The following NUP37 variants were observed in gnomAD, a reference collection of about 807,000 sequenced individuals.
NUP37 encodes the protein nucleoporin Nup37.
In NUP37, 33 loss-of-function variants were observed where a neutral mutation model predicts 45.4. The observed-to-expected ratio is 0.73, with a 90% CI of 0.55 to 0.97. The LOEUF is 0.97. Among genes scored for constraint, NUP37 ranks in the 50% least tolerant of loss-of-function variants. The probability of loss-of-function intolerance (pLI) is 0.00; values close to 1 mark genes in which losing one functional copy is unlikely to be tolerated. For missense variants in NUP37, 365 were observed against 389.7 expected (o/e 0.94, Z 0.53); for synonymous variants, 127 against 130.7 (o/e 0.97, Z 0.19).
At chr12:102,076,075 G>C (rs998200121) in intron 8 of NUP37, among the ~76,000 whole-genome samples, 1 of 152,058 alleles carries the variant, frequency 6.6e-6, no homozygotes, top group Non-Finnish European at 1.5e-5. Flanking sequence ...ACCTCCTCTA[G>C]ACTTATAAGT....
At chr12:102,106,198 T>C (rs1880149623) in intron 3 of NUP37, among the ~76,000 whole-genome samples, 2 of 152,184 alleles carry the variant, frequency 1.3e-5, no homozygotes, top group African/African-American at 4.8e-5. Flanking sequence ...CACTGATAAC[T>C]TGATTTTGAA....
At chr12:102,075,468 C>CAT (rs1441063597) in intron 8 of NUP37, among the ~76,000 whole-genome samples, 1 of 152,114 alleles carries the variant, frequency 6.6e-6, no homozygotes, top group Non-Finnish European at 1.5e-5. Flanking sequence ...AGGTATGAGC[C>CAT]ATAGCACCTA....
intron 3 of NUP37, among the ~76,000 whole-genome samples, chr12:102,106,027 T>C (rs1428412347): frequency 6.6e-6 from 1 of 151,868 alleles, no homozygotes; most frequent in Non-Finnish European, 1.5e-5. Flanking sequence ...AATTTAACAA[T>C]GAATGAACAC....
chr12:102,106,975 C>T (rs568600394), intron 3 of NUP37, among the ~76,000 whole-genome samples: 154 of 152,284 alleles, frequency 1.0e-3, no homozygotes, highest in African/African-American at 3.5e-3. Flanking sequence ...CCAGACCCCT[C>T]GTTTGTCATG....
intron 3 of NUP37, among the ~76,000 whole-genome samples, chr12:102,104,850 A>G (rs1880081399): frequency 6.6e-6 from 1 of 152,224 alleles, no homozygotes; most frequent in African/African-American, 2.4e-5. Flanking sequence ...ATTACTGTAT[A>G]GCATTGCGAT....
At chr12:102,093,149 G>A (rs1010847038) in intron 5 of NUP37, among the ~76,000 whole-genome samples, 1 of 151,994 alleles carries the variant, frequency 6.6e-6, no homozygotes, top group African/African-American at 2.4e-5. Flanking sequence ...AATAAAGACT[G>A]CATGTACTTT....
At chr12:102,079,438 A>T (rs76606581) in intron 6 of NUP37, among the ~76,000 whole-genome samples, 1,900 of 152,292 alleles carry the variant, frequency 0.012, 45 homozygotes, top group African/African-American at 0.044. Flanking sequence ...GTTGCTGCAA[A>T]CACTCAACTA....
chr12:102,099,087 TATAAC>T lies in NUP37; in HGVS notation c.449+14_449+18del. On this transcript the variant is annotated intron_variant, in intron 5 of 9. Coordinates refer to ENST00000552283, the MANE Select transcript of NUP37 (RefSeq NM_024057.4). ...TAAAATGGCAATTTAAAAATGTGGT[TATAAC>T]ATAAGCAACATACCTGCAGGTGTGA... is the stretch of plus-strand genomic sequence containing the variant. The T allele has an allele frequency of 6.5e-7, 1 of 1,533,044 alleles. No homozygotes were observed. Among genetic ancestry groups the T allele is most frequent in the Non-Finnish European group, 9.0e-7 (1 of 1,107,862 alleles). The allele number at this position is 1,533,044 out of a possible 1,614,324, so 95.0% of individuals were successfully genotyped here. A position where few individuals can be genotyped will look rare whatever the true frequency, so the allele number is the denominator to read the frequency against.
chr12:102,101,098 A>ACAAAAT lies in NUP37; in HGVS notation c.282_287dup (p.Phe95_Cys96insTer), dbSNP rs1879959520. 3 of 1,560,226 alleles carry ACAAAAT rather than the reference A, an allele frequency of 1.9e-6. No homozygotes were observed. Among genetic ancestry groups the ACAAAAT allele is most frequent in the Non-Finnish European group, 2.6e-6 (3 of 1,151,876 alleles). On this transcript the variant is annotated stop_gained, in exon 4 of 10. Coordinates refer to ENST00000552283, the MANE Select transcript of NUP37 (RefSeq NM_024057.4). LOFTEE classifies it high-confidence loss of function. The stretch of plus-strand genomic sequence containing the variant: ...TAATTTTCATATCAGCAGCTGAAGT[A>ACAAAAT]CAAAATCTGGAAGCAAAAAAACAAA...
At chr12:102,101,582 T>C (rs1879973247) in intron 3 of NUP37, among the ~76,000 whole-genome samples, 1 of 152,166 alleles carries the variant, frequency 6.6e-6, no homozygotes, top group Non-Finnish European at 1.5e-5. Context: ...TGAAGTAAGA[T>C]ACTATTTTTA....
chr12:102,113,071 G>T (rs911969856), intron 2 of NUP37, among the ~76,000 whole-genome samples: 1 of 152,176 alleles, frequency 6.6e-6, no homozygotes, highest in Non-Finnish European at 1.5e-5. Flanking sequence ...GCCATCTGTC[G>T]CTGGCAATGG....
intron 5 of NUP37, among the ~76,000 whole-genome samples, chr12:102,096,527 T>A (rs1200369705): frequency 6.6e-6 from 1 of 152,188 alleles, no homozygotes; most frequent in Non-Finnish European, 1.5e-5. Flanking sequence ...TTCTTGGAAA[T>A]GTCAAAGTGA....
chr12:102,114,682 C>T (rs1880413947), intron 2 of NUP37, among the ~76,000 whole-genome samples: 1 of 152,124 alleles, frequency 6.6e-6, no homozygotes, highest in African/African-American at 2.4e-5. Flanking sequence ...ATACAAATTT[C>T]AGTTAGTCAA....
At position 102,074,443 on chromosome 12, in the gene NUP37, C is replaced by T. The variant is rs563418912; in HGVS notation, c.892G>A (p.Val298Ile). 4.3e-5 allele frequency: 69 copies of T among 1,608,584 alleles called. No homozygotes were observed. The highest frequency in any genetic ancestry group is 4.2e-4 in the South Asian group (38 of 90,446). The stretch of plus-strand genomic sequence containing the variant: ...CGATGCCAGGACAGTCCAGATCCAA[C>T]GGCTACAGAACCCATGAGGATGGGC... ...PQPILMGSVA[V>I]GSGLSWHRTL... Residue 298 changes from valine (V) to isoleucine (I), a missense_variant, in exon 10 of 10, where the codon GTT (valine) becomes ATT (isoleucine). Val to Ile is a conservative substitution (Grantham distance 29). Transcript: ENST00000552283.
At chr12:102,077,905 C>T (rs1262375578) in intron 6 of NUP37, among the ~76,000 whole-genome samples, 1 of 152,106 alleles carries the variant, frequency 6.6e-6, no homozygotes, top group Admixed American at 6.5e-5. Context: ...TGAAACCCTT[C>T]TAGTTCCAAG....
At chr12:102,103,833 T>A (rs1880044614) in intron 3 of NUP37, among the ~76,000 whole-genome samples, 1 of 152,056 alleles carries the variant, frequency 6.6e-6, no homozygotes. Context: ...TGATAAAAAC[T>A]CAACAAATTA....
intron 3 of NUP37, among the ~76,000 whole-genome samples, chr12:102,108,266 G>A (rs888036952): frequency 6.7e-6 from 1 of 149,002 alleles, no homozygotes; most frequent in Non-Finnish European, 1.5e-5. Context: ...GGTGGAAGGA[G>A]ATGACTTGCT....
chr12:102,075,057 C>T lies in NUP37; in HGVS notation c.811G>A (p.Gly271Ser). The stretch of plus-strand genomic sequence containing the variant: ...TGGCTTGCCATTTTGCCAGGATAAC[C>T]AGTGGTTGCAAACAGATTTTCACTA... ...TISENLFATT[G>S]YPGKMASQFQ... The change falls in exon 9 of 10, where the codon GGT becomes AGT. Residue 271 changes from glycine to serine, a missense_variant. Transcript: ENST00000552283. 2 of 1,610,574 alleles carry T rather than the reference C, an allele frequency of 1.2e-6. No homozygotes were observed. The highest frequency in any genetic ancestry group is 1.7e-6 in the Non-Finnish European group (2 of 1,177,844).
chr12:102,110,048 A>G (rs1880266015), intron 3 of NUP37, among the ~76,000 whole-genome samples: 1 of 152,066 alleles, frequency 6.6e-6, no homozygotes, highest in African/African-American at 2.4e-5. Context: ...AGTTAGCTAA[A>G]TATCGGTAAA....
Sources: allele counts gnomAD v4.1 joint callset (sites outside exome capture counted in the v4.1 genomes callset), GRCh38; gene constraint gnomAD v4.1.1; transcripts MANE v1.5; gene names NCBI Gene and HGNC (gene_info 2026-07-23, HGNC 2026-07-21).